The following RCAN2 variants were observed in gnomAD, a reference collection of about 807,000 sequenced individuals.
RCAN2 encodes regulator of calcineurin 2.
In RCAN2, 9 loss-of-function variants were observed where a neutral mutation model predicts 23.6. The observed-to-expected ratio is 0.38, with a 90% CI of 0.23 to 0.67. The LOEUF (loss-of-function observed/expected upper bound fraction) is 0.67. Ranked by LOEUF, RCAN2 falls within the 30% of genes least tolerant of loss-of-function variation. The pLI is 0.51. For synonymous variants in RCAN2, 109 were observed against 115.7 expected (o/e 0.94, Z 0.37); for missense variants, 273 against 302.3 (o/e 0.90, Z 0.72).
intron 1 of RCAN2, among the ~76,000 whole-genome samples, chr6:46,457,279 C>T (rs969886906): frequency 2.6e-5 from 4 of 152,134 alleles, no homozygotes; most frequent in Admixed American, 2.6e-4. Flanking sequence ...CAATGTCTAT[C>T]GTGTATTGAG....
At chr6:46,480,706 A>G (rs887017483) in intron 1 of RCAN2, among the ~76,000 whole-genome samples, 1 of 152,084 alleles carries the variant, frequency 6.6e-6, no homozygotes, top group African/African-American at 2.4e-5. Context: ...GCTCACTGCA[A>G]GCTCTGCCTC....
At chr6:46,227,681 T>C (rs1363206094) in intron 4 of RCAN2, among the ~76,000 whole-genome samples, 1 of 151,470 alleles carries the variant, frequency 6.6e-6, no homozygotes, top group African/African-American at 2.4e-5. Flanking sequence ...TCTTTTCTTC[T>C]TTATTAGTCT....
At chr6:46,350,509 A>C (rs1383146228) in intron 2 of RCAN2, among the ~76,000 whole-genome samples, 1 of 152,220 alleles carries the variant, frequency 6.6e-6, no homozygotes, top group African/African-American at 2.4e-5. Context: ...TCCTGGAGAC[A>C]GAGCAATTGA....
chr6:46,297,391 C>T (rs1228295771), intron 2 of RCAN2, among the ~76,000 whole-genome samples: 2 of 152,014 alleles, frequency 1.3e-5, no homozygotes, highest in Non-Finnish European at 2.9e-5. Context: ...GTGAAAGGGT[C>T]CTATACCACC....
chr6:46,424,152 C>T (rs920030838), intron 2 of RCAN2, among the ~76,000 whole-genome samples: 4 of 152,172 alleles, frequency 2.6e-5, no homozygotes, highest in Non-Finnish European at 4.4e-5. Flanking sequence ...CTCGTACTTA[C>T]ATAGACTTAT....
chr6:46,243,895 G>A (rs1363273509), intron 4 of RCAN2, among the ~76,000 whole-genome samples: 1 of 151,230 alleles, frequency 6.6e-6, no homozygotes. Flanking sequence ...TTGAAGCAGA[G>A]CAGGCCTGAA....
intron 2 of RCAN2, among the ~76,000 whole-genome samples, chr6:46,281,280 C>A (rs985865440): frequency 5.9e-5 from 9 of 152,190 alleles, no homozygotes; most frequent in African/African-American, 1.4e-4. Context: ...GTTTGCAAGA[C>A]CAGCTGTCAC....
At chr6:46,474,542 G>A (rs1015771262) in intron 1 of RCAN2, among the ~76,000 whole-genome samples, 2 of 152,102 alleles carry the variant, frequency 1.3e-5, no homozygotes, top group African/African-American at 4.8e-5. Flanking sequence ...CACCTAAGCC[G>A]CCATCAACAA....
intron 2 of RCAN2, among the ~76,000 whole-genome samples, chr6:46,333,846 C>T (rs1764060934): frequency 6.6e-6 from 1 of 152,216 alleles, no homozygotes; most frequent in Admixed American, 6.5e-5. Flanking sequence ...GTTACTGACA[C>T]TAGCAATCAA....
intron 1 of RCAN2, among the ~76,000 whole-genome samples, chr6:46,472,329 C>G (rs954795690): frequency 6.6e-6 from 1 of 152,130 alleles, no homozygotes; most frequent in Non-Finnish European, 1.5e-5. Flanking sequence ...TAAAAGCACA[C>G]ATATAAATTC....
At chr6:46,357,915 A>T (rs2150381702) in intron 2 of RCAN2, among the ~76,000 whole-genome samples, 1 of 152,342 alleles carries the variant, frequency 6.6e-6, no homozygotes, top group Middle Eastern at 3.4e-3. Context: ...ATTTAGGTGA[A>T]GTCTCTTCCA....
intron 1 of RCAN2, among the ~76,000 whole-genome samples, chr6:46,488,418 T>C (rs752158561): frequency 4.3e-4 from 65 of 152,348 alleles, no homozygotes; most frequent in Admixed American, 7.2e-4. Context: ...TTAGATATTA[T>C]CATTATCATT....
At chr6:46,299,301 G>A (rs1762830349) in intron 2 of RCAN2, among the ~76,000 whole-genome samples, 1 of 151,988 alleles carries the variant, frequency 6.6e-6, no homozygotes, top group Non-Finnish European at 1.5e-5. Context: ...CATCATCAAT[G>A]CATATGGATT....
At chr6:46,307,986 T>C (rs1174014759) in intron 2 of RCAN2, among the ~76,000 whole-genome samples, 1 of 152,194 alleles carries the variant, frequency 6.6e-6, no homozygotes, top group Non-Finnish European at 1.5e-5. Flanking sequence ...AGACCTAAAG[T>C]AATTATCCAG....
At chr6:46,408,989 T>C (rs1372946378) in intron 2 of RCAN2, among the ~76,000 whole-genome samples, 1 of 152,138 alleles carries the variant, frequency 6.6e-6, no homozygotes, top group Non-Finnish European at 1.5e-5. Flanking sequence ...TAGAGACATA[T>C]CAAACTGCAA....
intron 2 of RCAN2, among the ~76,000 whole-genome samples, chr6:46,267,852 T>A (rs1736563796): frequency 1.3e-5 from 2 of 152,140 alleles, no homozygotes; most frequent in South Asian, 4.1e-4. Flanking sequence ...CTTAAGAAAA[T>A]CAGAAGATGT....
intron 1 of RCAN2, among the ~76,000 whole-genome samples, chr6:46,490,919 G>C (rs572042848): frequency 1.3e-5 from 2 of 151,908 alleles, no homozygotes; most frequent in African/African-American, 4.8e-5. Flanking sequence ...GCCCCCTAGA[G>C]GGGGGTCGCG....
chr6:46,484,821 G>T (rs573626592), intron 1 of RCAN2, among the ~76,000 whole-genome samples: 1 of 152,258 alleles, frequency 6.6e-6, no homozygotes, highest in East Asian at 1.9e-4. Context: ...CTCCCTAAAA[G>T]AAAGCCTAAC....
intron 4 of RCAN2, among the ~76,000 whole-genome samples, chr6:46,230,381 C>T (rs1235077381): frequency 1.3e-5 from 2 of 152,200 alleles, no homozygotes; most frequent in Admixed American, 1.3e-4. Context: ...GAGGTGGAGT[C>T]TACAGAGGCA....
Sources: allele counts gnomAD v4.1 joint callset (sites outside exome capture counted in the v4.1 genomes callset), GRCh38; gene constraint gnomAD v4.1.1; transcripts MANE v1.5; gene names NCBI Gene and HGNC (gene_info 2026-07-23, HGNC 2026-07-21).